The following RELL1 variants were observed in gnomAD, a reference collection of about 807,000 sequenced individuals.
RELL1 encodes the protein RELT-like protein 1.
A neutral mutation model predicts 23.0 loss-of-function variants in RELL1; 10 were observed. The ratio of observed to expected loss-of-function variants is 0.43; its 90% CI spans 0.27 to 0.74. The LOEUF (loss-of-function observed/expected upper bound fraction) is 0.74, where lower values mean the gene tolerates loss of function less well. Among genes scored for constraint, RELL1 ranks in the 30% least tolerant of loss-of-function variants. The pLI is 0.19. For synonymous variants in RELL1, 146 were observed against 146.8 expected (o/e 0.99, Z 0.04); for missense variants, 315 against 364.4 (o/e 0.86, Z 1.10).
chr4:37,629,540 C>T (rs995488455), intron 6 of RELL1, among the ~76,000 whole-genome samples: 4 of 152,160 alleles, frequency 2.6e-5, no homozygotes, highest in African/African-American at 4.8e-5. Context: ...CCTCTTGACT[C>T]CCTTCCCTAA....
At position 37,596,732 on chromosome 4, in the gene RELL1, ATAT is replaced by A. The variant is rs1352793459; in HGVS notation, c.*4-5518_*4-5516del. Among the ~76,000 whole-genome samples the A allele has an allele frequency of 1.3e-3, 23 of 17,092 alleles. 2 individuals are homozygous for A. The highest frequency in any genetic ancestry group is 2.6e-3 in the Non-Finnish European group (19 of 7,324). 11.2% of individuals were successfully genotyped at this position (17,092 alleles called of 152,430 possible). A position where few individuals can be genotyped will look rare whatever the true frequency, so the allele number is the denominator to read the frequency against. Reference sequence around the variant, plus strand: ...GGCATATATATATATATATATATATATATATTTTTTTTTTTTTTTTTTTTTTTT... The same window carrying A: ...GGCATATATATATATATATATATATAATTTTTTTTTTTTTTTTTTTTTTTT... On this transcript the variant is annotated intron_variant, in intron 6 of 6. Coordinates refer to the RELL1 transcript ENST00000314117.
intron 3 of RELL1, among the ~76,000 whole-genome samples, chr4:37,644,438 TTTTA>T (rs10523379): frequency 0.12 from 16,827 of 137,740 alleles, 1,094 homozygotes; most frequent in Middle Eastern, 0.2. Flanking sequence ...TTATTTTTAT[TTTTA>T]TTTATTTATT....
At chr4:37,656,473 G>C (rs1721122220) in intron 1 of RELL1, among the ~76,000 whole-genome samples, 1 of 152,180 alleles carries the variant, frequency 6.6e-6, no homozygotes, top group Non-Finnish European at 1.5e-5. Context: ...TTTGTTCAGA[G>C]AGTAGACCTC....
intron 1 of RELL1, among the ~76,000 whole-genome samples, chr4:37,678,164 G>A (rs1056942245): frequency 1.2e-4 from 19 of 152,174 alleles, no homozygotes; most frequent in African/African-American, 4.3e-4. Context: ...GAGCAAGAGA[G>A]AGTTGGGGGG....
intron 1 of RELL1, among the ~76,000 whole-genome samples, chr4:37,673,152 C>A (rs936861464): frequency 6.6e-6 from 1 of 150,376 alleles, no homozygotes; most frequent in African/African-American, 2.4e-5. Context: ...GGCTTTCACA[C>A]CACCAAGCCA....
chr4:37,607,571 TTTC>T (rs1719260227), downstream of RELL1, among the ~76,000 whole-genome samples: 1 of 119,818 alleles, frequency 8.3e-6, no homozygotes, highest in Non-Finnish European at 1.6e-5. Flanking sequence ...AGCACTTTTC[TTTC>T]TTTTCTTTTT....
rs1560323807 is a variant in RELL1 at position 37,604,852 on chromosome 4, G to GACACACAC, written c.*4-13643_*4-13636dup. 1.6e-3 allele frequency among the ~76,000 whole-genome samples: 43 copies of GACACACAC among 26,974 alleles called. 2 individuals are homozygous for GACACACAC. Among genetic ancestry groups the GACACACAC allele is most frequent in the Non-Finnish European group, 2.7e-3 (35 of 12,808 alleles). The allele number at this position is 26,974 out of a possible 152,430, so 17.7% of individuals were successfully genotyped here. A position where few individuals can be genotyped will look rare whatever the true frequency, so the allele number is the denominator to read the frequency against. ...ACACATACACACAGACACACACACA[G>GACACACAC]ACACACACACACAGACACACACACA... On this transcript the variant is annotated intron_variant, in intron 6 of 6. Transcript: ENST00000314117.
downstream of RELL1, among the ~76,000 whole-genome samples, chr4:37,609,792 T>G (rs1719318780): frequency 6.6e-6 from 1 of 152,230 alleles, no homozygotes; most frequent in Admixed American, 6.5e-5. Flanking sequence ...AAGATTGAAC[T>G]GAATTGCTGC....
At chr4:37,605,787 A>AAGAGAGAGAG (rs1214332381), downstream of RELL1, among the ~76,000 whole-genome samples, 4 of 54,504 alleles carry the variant, frequency 7.3e-5, no homozygotes, top group East Asian at 2.0e-3. Flanking sequence ...GAGAGAGAGA[A>AAGAGAGAGAG]AGAAAGAGAA....
intron 1 of RELL1, among the ~76,000 whole-genome samples, chr4:37,675,814 G>A (rs971875060): frequency 1.3e-5 from 2 of 152,174 alleles, no homozygotes; most frequent in South Asian, 2.1e-4. Flanking sequence ...CCTGCTCACA[G>A]TTGATACTTA....
At position 37,628,036 on chromosome 4, in the gene RELL1, G is replaced by A. The variant is rs140299604; in HGVS notation, c.*3+3349C>T. 4.5e-3 allele frequency among the ~76,000 whole-genome samples: 682 copies of A among 152,104 alleles called. 11 individuals carry two copies. The highest frequency in any genetic ancestry group is 0.015 in the African/African-American group (642 of 41,520). On this transcript the variant is annotated intron_variant, in intron 6 of 6. Coordinates refer to ENST00000454158, the MANE Select transcript of RELL1 (RefSeq NM_001085400.2). ...TGTCCCAAACATACTTTTTTTGGGG[G>A]GATGAGATTTGAAAAGAAAAAAAAC... is the stretch of plus-strand genomic sequence containing the variant.
In RELL1 at chr4:37,631,404, C is replaced by T. The variant is rs115231391; in HGVS notation, c.800G>A (p.Arg267His). Residue 267 changes from arginine (R) to histidine (H), a missense_variant, in exon 6 of 7, where the codon CGC (arginine) becomes CAC (histidine). By Grantham distance (29) the Arg-to-His change is conservative (BLOSUM62 0). Coordinates refer to ENST00000454158, the MANE Select transcript of RELL1 (RefSeq NM_001085400.2). ...EVPATPVKRE[R>H]SGTE ...GCTCACCTGCTACTCTGTGCCACTG[C>T]GTTCTCTCTTCACAGGTGTTGCCGG... is the stretch of plus-strand genomic sequence containing the variant. The T allele has an allele frequency of 0.014, 22,106 of 1,613,888 alleles. 241 individuals carry two copies. The highest frequency in any genetic ancestry group is 0.015 in the Non-Finnish European group (18,019 of 1,179,898).
intron 6 of RELL1, among the ~76,000 whole-genome samples, chr4:37,621,580 C>T (rs965756673): frequency 1.3e-5 from 2 of 152,026 alleles, no homozygotes; most frequent in East Asian, 3.9e-4. Flanking sequence ...TTTCATTTTC[C>T]GCTTCCCTCA....
intron 1 of RELL1, among the ~76,000 whole-genome samples, chr4:37,656,333 G>A (rs1721116029): frequency 6.6e-6 from 1 of 152,144 alleles, no homozygotes; most frequent in Admixed American, 6.5e-5. Flanking sequence ...GTAGAATGGT[G>A]TTTGCCAGGG....
In RELL1 at chr4:37,631,626, G is replaced by T. The variant is rs563307140; in HGVS notation, c.681-103C>A. 5 of 1,305,290 alleles carry T rather than the reference G, an allele frequency of 3.8e-6. No individual in the cohort carries two copies. The African/African-American group carries it at 5.9e-5, about 15-fold the overall frequency. 80.9% of individuals were successfully genotyped at this position (1,305,290 alleles called of 1,614,324 possible). A position where few individuals can be genotyped will look rare whatever the true frequency, so the allele number is the denominator to read the frequency against. On this transcript the variant is annotated intron_variant, in intron 5 of 6. Coordinates refer to ENST00000454158, the MANE Select transcript of RELL1 (RefSeq NM_001085400.2). ...ACCCAGAGGATCTCAAATGAACTCA[G>T]CCAAAAGTTAGGACACAAATGAAAA...
rs376592083 is a variant in RELL1 at position 37,626,790 on chromosome 4, G to A, written c.*3+4595C>T. 3.5e-5 allele frequency among the ~76,000 whole-genome samples: 5 copies of A among 141,664 alleles called. No homozygotes were observed. In the East Asian group the frequency reaches 8.3e-4, roughly 23 times the overall value. 92.9% of individuals were successfully genotyped at this position (141,664 alleles called of 152,430 possible). Reference sequence around the variant, plus strand: ...GAGTGAAATAAGCCAGGCACAGAACGACAAATACCACGTCATCTCACTTAC... The same window carrying A: ...GAGTGAAATAAGCCAGGCACAGAACAACAAATACCACGTCATCTCACTTAC... On this transcript the variant is annotated intron_variant, in intron 6 of 6. Transcript: ENST00000454158.
At chr4:37,609,250 G>A (rs192736385), downstream of RELL1, among the ~76,000 whole-genome samples, 8 of 152,228 alleles carry the variant, frequency 5.3e-5, no homozygotes, top group Middle Eastern at 3.4e-3. Context: ...ATGCTAAATC[G>A]ACTCTGCCTG....
chr4:37,669,706 T>G (rs28372137), intron 1 of RELL1, among the ~76,000 whole-genome samples: 1 of 152,082 alleles, frequency 6.6e-6, no homozygotes, highest in South Asian at 2.1e-4. Flanking sequence ...TCTTCTACCT[T>G]GGGATCCTGT....
chr4:37,625,857 G>A lies in RELL1; in HGVS notation c.*3+5528C>T, dbSNP rs561973280. 3.3e-5 allele frequency among the ~76,000 whole-genome samples: 5 copies of A among 152,040 alleles called. No homozygotes were observed. In the East Asian group the frequency reaches 5.8e-4, roughly 18 times the overall value. On this transcript the variant is annotated intron_variant, in intron 6 of 6. Transcript: ENST00000454158. ...ATGTATGCATGTTTCAAAACAACAT[G>A]TCGTACATAATAAATATAGATAATT...
Sources: allele counts gnomAD v4.1 joint callset (sites outside exome capture counted in the v4.1 genomes callset), GRCh38; gene constraint gnomAD v4.1.1; transcripts MANE v1.5; gene names NCBI Gene and HGNC (gene_info 2026-07-23, HGNC 2026-07-21).